RAB9B: variants seen among roughly 807,000 people sequenced by gnomAD.
RAB9B encodes the protein ras-related protein Rab-9B.
In RAB9B, 1 loss-of-function variant was observed where a neutral mutation model predicts 8.9. That is an observed-to-expected ratio of 0.11 (90% CI 0.04 to 0.53). The LOEUF (loss-of-function observed/expected upper bound fraction) is 0.53. Ranked by LOEUF, RAB9B falls within the 20% of genes least tolerant of loss-of-function variation. The pLI is 0.93. For missense variants in RAB9B, 82 were observed against 152.9 expected (o/e 0.54, Z 2.45); for synonymous variants, 63 against 57.0 (o/e 1.10, Z -0.47).
the RAB9B span, chrX:103,790,522 T>C: frequency 2.5e-6 from 3 of 1,197,859 alleles, no homozygotes; most frequent in South Asian, 5.3e-5. Flanking sequence ...TTCTGTTCCC[T>C]ACAGCTCACC....
the RAB9B span, among the ~76,000 whole-genome samples, chrX:103,813,759 A>AAC: frequency 5.9e-5 from 6 of 101,112 alleles, no homozygotes; most frequent in African/African-American, 2.2e-4. Flanking sequence ...AAAAAAAAAA[A>AAC]AAAAAAAAAA....
At chrX:103,788,139 G>C in the RAB9B span, among the ~76,000 whole-genome samples, 1 of 111,951 alleles carries the variant, frequency 8.9e-6, no homozygotes, top group African/African-American at 3.3e-5. Context: ...TTTCTTCCCC[G>C]GGAAGGGAAC....
At position 103,825,081 on chromosome X, in the gene RAB9B, C is replaced by T. The variant is rs2074678105; in HGVS notation, c.*98G>A. On this transcript the variant is annotated 3_prime_UTR_variant, in exon 3 of 3. Transcript: ENST00000243298. ...TCACAATCAGAACCTTGTCTCTTAC[C>T]CTCTTGTGTGCGTGTGTGTGCACTC... The T allele has an allele frequency of 6.7e-6, 6 of 890,252 alleles. No individual in the cohort carries two copies. In the Admixed American group the frequency reaches 1.2e-4, roughly 19 times the overall value. The allele number at this position is 890,252 out of a possible 1,213,427, so 73.4% of individuals were successfully genotyped here. A position where few individuals can be genotyped will look rare whatever the true frequency, so the allele number is the denominator to read the frequency against.
At chrX:103,818,484 G>C (rs1380887155), downstream of RAB9B, among the ~76,000 whole-genome samples, 1 of 111,730 alleles carries the variant, frequency 9.0e-6, no homozygotes, top group Non-Finnish European at 1.9e-5. Flanking sequence ...TGAGAGTTAA[G>C]ATTGATATTA....
At chrX:103,776,893 C>G in the RAB9B span, 2 of 787,350 alleles carry the variant, frequency 2.5e-6, no homozygotes, top group Non-Finnish European at 3.9e-6. Context: ...AAGTAAAAGA[C>G]CGAAGAAGGA....
chrX:103,813,031 A>G, the RAB9B span, among the ~76,000 whole-genome samples: 1 of 104,468 alleles, frequency 9.6e-6, no homozygotes, highest in South Asian at 4.5e-4. Context: ...TCAAGTGTTT[A>G]TTGTGCTTCA....
the RAB9B span, among the ~76,000 whole-genome samples, chrX:103,790,175 A>C: frequency 8.9e-6 from 1 of 112,430 alleles, no homozygotes; most frequent in East Asian, 2.8e-4. Context: ...GTCTACAGCA[A>C]GCACCCTATG....
chrX:103,792,955 T>G, the RAB9B span, among the ~76,000 whole-genome samples: 2 of 112,602 alleles, frequency 1.8e-5, no homozygotes, highest in African/African-American at 6.4e-5. Context: ...GGTTACTTTT[T>G]CAATACCTTA....
chrX:103,795,006 T>C, the RAB9B span, among the ~76,000 whole-genome samples: 1 of 112,312 alleles, frequency 8.9e-6, no homozygotes, highest in Non-Finnish European at 1.9e-5. Flanking sequence ...CTTAACATTT[T>C]ACTCAAACTC....
At chrX:103,780,634 T>C in the RAB9B span, among the ~76,000 whole-genome samples, 2 of 111,579 alleles carry the variant, frequency 1.8e-5, no homozygotes, top group African/African-American at 6.5e-5. Flanking sequence ...CCCCAGAGAC[T>C]TCGGGACTGT....
the RAB9B span, chrX:103,791,421 G>A: frequency 1.8e-5 from 2 of 112,556 alleles, no homozygotes; most frequent in African/African-American, 6.5e-5. Flanking sequence ...AAGGAAACTA[G>A]CTTACATGAG....
the RAB9B span, among the ~76,000 whole-genome samples, chrX:103,814,171 G>T: frequency 9.0e-6 from 1 of 111,374 alleles, no homozygotes; most frequent in Admixed American, 9.6e-5. Context: ...TTCTAAAATT[G>T]ACCACATAAT....
At chrX:103,802,021 A>T in the RAB9B span, among the ~76,000 whole-genome samples, 1 of 111,282 alleles carries the variant, frequency 9.0e-6, no homozygotes, top group Non-Finnish European at 1.9e-5. Context: ...TAACCACTAA[A>T]TACAGAACAA....
downstream of RAB9B, among the ~76,000 whole-genome samples, chrX:103,821,046 A>C (rs1293023062): frequency 9.5e-6 from 1 of 105,494 alleles, no homozygotes; most frequent in African/African-American, 3.5e-5. Context: ...GCATGCCTGT[A>C]ATCCCAGCTA....
chrX:103,787,599 C>T, the RAB9B span: 8 of 464,030 alleles, frequency 1.7e-5, no homozygotes, highest in East Asian at 1.1e-4. Flanking sequence ...CCCCACCCTC[C>T]GTTATACTGG....
intron 1 of RAB9B, among the ~76,000 whole-genome samples, chrX:103,829,772 C>G (rs1337458278): frequency 8.9e-6 from 1 of 112,111 alleles, no homozygotes; most frequent in Admixed American, 9.5e-5. Flanking sequence ...TGTTAACAAA[C>G]TTTTCCTGTC....
At chrX:103,806,005 A>G in the RAB9B span, among the ~76,000 whole-genome samples, 1 of 111,393 alleles carries the variant, frequency 9.0e-6, no homozygotes, top group Non-Finnish European at 1.9e-5. Context: ...CAATGGTGCA[A>G]TCAGAGCTCA....
intron 1 of RAB9B, among the ~76,000 whole-genome samples, chrX:103,828,858 G>A (rs1341368976): frequency 8.9e-6 from 1 of 111,951 alleles, no homozygotes; most frequent in Non-Finnish European, 1.9e-5. Flanking sequence ...AGTGTCAAGA[G>A]CACTGAGCTA....
chrX:103,816,394 C>T, the RAB9B span, among the ~76,000 whole-genome samples: 1 of 111,745 alleles, frequency 8.9e-6, no homozygotes, highest in Admixed American at 9.5e-5. Context: ...AAAGCTGAAA[C>T]TAGACCCCTT....
Sources: allele counts gnomAD v4.1 joint callset (sites outside exome capture counted in the v4.1 genomes callset), GRCh38; gene constraint gnomAD v4.1.1; transcripts MANE v1.5; gene names NCBI Gene and HGNC (gene_info 2026-07-23, HGNC 2026-07-21).